MARCHF10: variants seen among roughly 807,000 people sequenced by gnomAD.
MARCHF10 encodes the protein membrane associated ring-CH-type finger 10, also known as probable E3 ubiquitin-protein ligase MARCHF10.
Under a neutral mutation model 76.2 loss-of-function variants are expected in MARCHF10, and 64 were observed. The observed-to-expected ratio is 0.84, with a 90% CI of 0.69 to 1.03. The LOEUF is 1.03. Among genes scored for constraint, MARCHF10 ranks in the 50% least tolerant of loss-of-function variants. MARCHF10 has a pLI of 0.00. For missense variants in MARCHF10, 875 were observed against 958.0 expected (o/e 0.91, Z 1.14); for synonymous variants, 340 against 357.5 (o/e 0.95, Z 0.55).
intron 4 of MARCHF10, chr17:62,746,824 C>A: frequency 2.2e-6 from 3 of 1,361,456 alleles, no homozygotes; most frequent in Non-Finnish European, 3.0e-6. Context: ...AGCAGAACTT[C>A]ACACTGCCCA....
chr17:62,757,066 T>C (rs958608021), intron 4 of MARCHF10, among the ~76,000 whole-genome samples: 1 of 152,208 alleles, frequency 6.6e-6, no homozygotes, highest in Admixed American at 6.5e-5. Flanking sequence ...GAAAAATGCT[T>C]TTTTGATGAC....
chr17:62,702,141 T>C (rs949568336), intron 10 of MARCHF10, among the ~76,000 whole-genome samples: 1 of 151,872 alleles, frequency 6.6e-6, no homozygotes, highest in African/African-American at 2.4e-5. Context: ...GACCCAGGTG[T>C]TTCAGGAGTC....
chr17:62,724,804 G>T, intron 7 of MARCHF10, 134 bp downstream of exon 7: 1 of 901,964 alleles, frequency 1.1e-6, no homozygotes, highest in Non-Finnish European at 1.7e-6. Flanking sequence ...AGGATCTGGA[G>T]CTCAGCCACG....
At chr17:62,705,965 C>A (rs571500519) in intron 9 of MARCHF10, among the ~76,000 whole-genome samples, 4 of 152,228 alleles carry the variant, frequency 2.6e-5, no homozygotes, top group African/African-American at 9.7e-5. Flanking sequence ...TTGAAACAAT[C>A]GCTTGTATTC....
At chr17:62,713,395 A>T (rs765474677) in intron 8 of MARCHF10, among the ~76,000 whole-genome samples, 1 of 152,250 alleles carries the variant, frequency 6.6e-6, no homozygotes, top group East Asian at 1.9e-4. Flanking sequence ...AGGCATGCAG[A>T]TGGGAGAATA....
In MARCHF10 at chr17:62,783,194, GTTTTTTTTTTT is replaced by G. The variant is rs201262979; in HGVS notation, c.210+5275_210+5285del. On this transcript the variant is annotated intron_variant, in intron 3 of 10. Transcript: ENST00000311269. ...TCATATTTTAGAGGAAAAATTGCCA[GTTTTTTTTTTT>G]TTTTTTTTTTTTTTTGCATTTTACT... 6.9e-3 allele frequency among the ~76,000 whole-genome samples: 493 copies of G among 71,384 alleles called. 3 individuals are homozygous for G. The highest frequency in any genetic ancestry group is 0.025 in the African/African-American group (365 of 14,326). The allele number at this position is 71,384 out of a possible 152,430, so 46.8% of individuals were successfully genotyped here. A position where few individuals can be genotyped will look rare whatever the true frequency, so the allele number is the denominator to read the frequency against.
At position 62,808,139 on chromosome 17, in the gene MARCHF10, CGGTCCAGG is replaced by C. The variant is rs2093190891; in HGVS notation, c.-88_-81del. Reference sequence around the variant, plus strand: ...GGGTCGAGGGGCTGGGCGGGCGGGCCGGTCCAGGGCGCAGGAGCCGCCCATTAATTGCG... The same window carrying C: ...GGGTCGAGGGGCTGGGCGGGCGGGCCGCGCAGGAGCCGCCCATTAATTGCG... On this transcript the variant is annotated 5_prime_UTR_variant, in exon 1 of 11. The change abolishes the stop of an existing upstream ORF in the 5' untranslated region. Transcript: ENST00000311269. 3 of 152,334 alleles carry C rather than the reference CGGTCCAGG, an allele frequency of 2.0e-5. No individual in the cohort carries two copies. In the South Asian group the frequency reaches 6.2e-4, roughly 32 times the overall value. 9.4% of individuals were successfully genotyped at this position (152,334 alleles called of 1,614,324 possible). A position where few individuals can be genotyped will look rare whatever the true frequency, so the allele number is the denominator to read the frequency against.
intron 6 of MARCHF10, among the ~76,000 whole-genome samples, chr17:62,726,394 AG>A (rs2090758818): frequency 6.6e-6 from 1 of 152,246 alleles, no homozygotes; most frequent in African/African-American, 2.4e-5. Context: ...TCCCCATGAA[AG>A]GGCAGCTCAG....
At position 62,725,016 on chromosome 17, in the gene MARCHF10, G is replaced by A. The variant is rs1239987065; in HGVS notation, c.2026C>T (p.Pro676Ser). 1.2e-6 allele frequency: 2 copies of A among 1,610,366 alleles called. No homozygotes were observed. The highest frequency in any genetic ancestry group is 1.7e-6 in the Non-Finnish European group (2 of 1,178,714). Residue 676 changes from proline to serine, a missense_variant, in exon 7 of 11, where the codon CCT becomes TCT. By Grantham distance (74) the Pro-to-Ser change is moderately conservative (BLOSUM62 -1). Coordinates refer to ENST00000311269, the MANE Select transcript of MARCHF10 (RefSeq NM_152598.4). ...GGSPSNPLLE[P>S]CGCVGSLQFV... ...TGCAGGCTTCCCACACAGCCGCAAG[G>A]CTCCAGGAGGGGGTTGCTTGGGGAA...
At chr17:62,787,906 C>G (rs1478022882) in intron 3 of MARCHF10, among the ~76,000 whole-genome samples, 4 of 152,022 alleles carry the variant, frequency 2.6e-5, no homozygotes, top group African/African-American at 9.7e-5. Context: ...TATCATGATA[C>G]TATTATTAAT....
intron 1 of MARCHF10, among the ~76,000 whole-genome samples, chr17:62,807,492 T>C (rs149459360): frequency 6.6e-6 from 1 of 152,116 alleles, no homozygotes; most frequent in Non-Finnish European, 1.5e-5. Flanking sequence ...ACTCAACGTG[T>C]AATTGGGAAA....
In MARCHF10 at chr17:62,735,930, C is replaced by T. The variant is rs1443190011; in HGVS notation, c.1937+1G>A. 6.3e-7 allele frequency: 1 copy of T among 1,594,340 alleles called. No individual in the cohort carries two copies. Among genetic ancestry groups the T allele is most frequent in the African/African-American group, 1.4e-5 (1 of 73,364 alleles). On this transcript the variant is annotated splice_donor_variant, in intron 6 of 10. Transcript: ENST00000311269. LOFTEE classifies it high-confidence loss of function. ...AATATATAATTATGAAAAGTCCTCACCTTTCTTGCAATTTCTTGAGTTTCT... is the reference window on the plus strand; with the variant it reads ...AATATATAATTATGAAAAGTCCTCATCTTTCTTGCAATTTCTTGAGTTTCT...
intron 4 of MARCHF10, chr17:62,750,415 T>A (rs561937626): frequency 6.5e-6 from 1 of 153,736 alleles, no homozygotes; most frequent in Non-Finnish European, 1.5e-5. Context: ...GGGAGGCAGG[T>A]GGCACTAGTG....
At chr17:62,731,370 C>A (rs2091016099) in intron 6 of MARCHF10, among the ~76,000 whole-genome samples, 1 of 152,110 alleles carries the variant, frequency 6.6e-6, no homozygotes, top group Admixed American at 6.5e-5. Context: ...TCAAGAGATT[C>A]TCCCACTTCA....
intron 9 of MARCHF10, among the ~76,000 whole-genome samples, chr17:62,707,106 T>C (rs2089639536): frequency 1.3e-5 from 2 of 152,146 alleles, no homozygotes; most frequent in Non-Finnish European, 2.9e-5. Context: ...GGCCCCCTTA[T>C]TACCCCGTGC....
At chr17:62,728,561 T>G (rs2090870762) in intron 6 of MARCHF10, among the ~76,000 whole-genome samples, 1 of 152,066 alleles carries the variant, frequency 6.6e-6, no homozygotes, top group Non-Finnish European at 1.5e-5. Context: ...CAGCTGACTC[T>G]AGAGGAAATG....
At position 62,738,942 on chromosome 17, in the gene MARCHF10, G is replaced by A. The variant is rs866227719; in HGVS notation, c.536-1610C>T. 4.6e-5 allele frequency among the ~76,000 whole-genome samples: 7 copies of A among 152,080 alleles called. No homozygotes were observed. Among genetic ancestry groups the A allele is most frequent in the Non-Finnish European group, 8.8e-5 (6 of 67,996 alleles). The stretch of plus-strand genomic sequence containing the variant: ...TGGCGAGGCCACTCCAGACTGGGCC[G>A]ACCCCCATTTTGGGAACAAATGCTT... On this transcript the variant is annotated intron_variant, in intron 5 of 10. Coordinates refer to ENST00000311269, the MANE Select transcript of MARCHF10 (RefSeq NM_152598.4). The surrounding 1 kb of genome is among the most constrained non-coding windows in gnomAD (Gnocchi z 4.0).
intron 7 of MARCHF10, among the ~76,000 whole-genome samples, chr17:62,723,900 C>A (rs1372501681): frequency 1.3e-5 from 2 of 152,112 alleles, no homozygotes; most frequent in African/African-American, 4.8e-5. Context: ...AGGGAAGTTG[C>A]ATAAAACGGG....
At chr17:62,714,391 T>A (rs970364123) in intron 8 of MARCHF10, 30 of 984,860 alleles carry the variant, frequency 3.0e-5, no homozygotes, top group Non-Finnish European at 3.6e-5. Context: ...AGCATGATAG[T>A]AAAGTGAGCT....
Sources: gnomAD v4.1 joint callset for allele counts (sites outside exome capture counted in the v4.1 genomes callset) on GRCh38, gnomAD v4.1.1 for gene constraint, Gnocchi (gnomAD v3.1) non-coding constraint, MANE v1.5 for transcripts, NCBI Gene and HGNC (gene_info 2026-07-23, HGNC 2026-07-21) for gene names.